STS: variants seen among roughly 807,000 people sequenced by gnomAD.
STS encodes steryl-sulfatase.
STS carries 7 observed loss-of-function variants against 26.8 expected under a neutral mutation model. The ratio of observed to expected loss-of-function variants is 0.26; its 90% confidence interval spans 0.15 to 0.49. STS has a LOEUF of 0.49. STS is among the 20% of genes least tolerant of loss of function. The probability of loss-of-function intolerance (pLI) is 0.98; values close to 1 mark genes in which losing one functional copy is unlikely to be tolerated. For missense variants in STS, 434 were observed against 465.6 expected (o/e 0.93, Z 0.63); for synonymous variants, 199 against 189.4 (o/e 1.05, Z -0.42).
intron 2 of STS, among the ~76,000 whole-genome samples, chrX:7,238,121 G>GGT (rs55819541): frequency 0.13 from 11,845 of 88,280 alleles, 867 homozygotes; most frequent in African/African-American, 0.22. Flanking sequence ...AGTATTCCAT[G>GGT]GTGTGTGTGT....
chrX:7,202,401 A>G (rs1354912671), intron 2 of STS, among the ~76,000 whole-genome samples: 1 of 111,268 alleles, frequency 9.0e-6, no homozygotes, highest in African/African-American at 3.3e-5. Flanking sequence ...CTCTATCAGT[A>G]TTTAAGTATT....
At chrX:7,177,479 A>T (rs192856581) in intron 1 of STS, among the ~76,000 whole-genome samples, 1,068 of 104,111 alleles carry the variant, frequency 0.01, 3 homozygotes, top group African/African-American at 0.031. Flanking sequence ...ATATATATAT[A>T]TTTTTTTTTG....
intron 1 of STS, among the ~76,000 whole-genome samples, chrX:7,190,040 T>C (rs374750282): frequency 5.4e-5 from 6 of 110,933 alleles, no homozygotes; most frequent in African/African-American, 1.6e-4. Flanking sequence ...AGTTTTTGCA[T>C]GGACAGGGAG....
Position 7,325,514 on chromosome X carries a change from G to C in STS, c.1241+16G>C, listed in dbSNP as rs774925391. The C allele has an allele frequency of 7.4e-6, 9 of 1,210,041 alleles. No individual in the cohort carries two copies. In the Middle Eastern group the frequency reaches 8.1e-4, roughly 109 times the overall value. On this transcript the variant is annotated intron_variant, in intron 9 of 10. Transcript: ENST00000674429. The stretch of plus-strand genomic sequence containing the variant: ...CTGAGGACAGGTACTCTGATGCCAG[G>C]GTGGTTGGTATTGTTGAGCTCTGAT...
Position 7,257,494 on chromosome X carries a change from T to C in STS, c.288T>C (p.Val96=), listed in dbSNP as rs146988523. 285 of 1,211,003 alleles carry C rather than the reference T, an allele frequency of 2.4e-4. No individual in the cohort carries two copies. Among genetic ancestry groups the C allele is most frequent in the Non-Finnish European group, 9.8e-5 (88 of 895,353 alleles). Residue 96 remains valine (V), a synonymous_variant, in exon 5 of 11, where the codon GTT becomes GTC. Transcript: ENST00000674429. The stretch of plus-strand genomic sequence containing the variant: ...TGGCATCTTGGTCCCGCACTGGAGT[T>C]TTCCTCTTCACAGCCTCTTCGGGAG... ...SGMASWSRTG[V]FLFTASSGGL...
At position 7,323,016 on chromosome X, in the gene STS, C is replaced by T. The variant is rs111673248; in HGVS notation, c.1082-2323C>T. ...CATCCTGGTAATAAAATAATACCAA[C>T]GAAGATAATAGCCATTTTTTGTGCC... On this transcript the variant is annotated intron_variant, in intron 8 of 10. Coordinates refer to ENST00000674429, the MANE Select transcript of STS (RefSeq NM_001320752.2). Among the ~76,000 whole-genome samples the T allele has an allele frequency of 1.3e-4, 15 of 111,789 alleles. No homozygotes were observed. The South Asian group carries it at 1.5e-3, about 11-fold the overall frequency.
At chrX:7,312,912 A>G (rs2147147836) in intron 8 of STS, among the ~76,000 whole-genome samples, 1 of 112,493 alleles carries the variant, frequency 8.9e-6, no homozygotes, top group East Asian at 2.8e-4. Flanking sequence ...CTCCTAAAAT[A>G]TCCCTTAGAT....
chrX:7,259,981 T>C (rs775645173), intron 6 of STS, among the ~76,000 whole-genome samples: 27 of 111,515 alleles, frequency 2.4e-4, no homozygotes, highest in Middle Eastern at 9.3e-3. Context: ...GTTCACGCCA[T>C]TCTCCTGCCT....
At chrX:7,311,711 G>A (rs574365463) in intron 8 of STS, among the ~76,000 whole-genome samples, 20 of 111,559 alleles carry the variant, frequency 1.8e-4, no homozygotes, top group Middle Eastern at 4.7e-3. Flanking sequence ...TTAGCTGGCT[G>A]TTGTGTTGCA....
intron 2 of STS, among the ~76,000 whole-genome samples, chrX:7,226,801 G>A (rs1388323397): frequency 4.5e-5 from 5 of 111,042 alleles, no homozygotes; most frequent in Non-Finnish European, 7.6e-5. Context: ...GGCTGAGGTT[G>A]GGAGGATTGC....
intron 6 of STS, among the ~76,000 whole-genome samples, chrX:7,272,792 A>T (rs1203940573): frequency 9.0e-6 from 1 of 111,573 alleles, no homozygotes; most frequent in Non-Finnish European, 1.9e-5. Context: ...GTGGGAGAAG[A>T]GAGCACATAA....
intron 7 of STS, among the ~76,000 whole-genome samples, chrX:7,304,774 T>C (rs1237033728): frequency 9.0e-6 from 1 of 111,606 alleles, no homozygotes; most frequent in Non-Finnish European, 1.9e-5. Context: ...TTTAGAATAC[T>C]TTCTCAGGTC....
In STS at chrX:7,279,290, A is replaced by ATATAT. The variant is rs1402728154; in HGVS notation, c.943+3203_943+3204insTATAT. Among the ~76,000 whole-genome samples, 50 of 62,336 alleles carry ATATAT rather than the reference A, an allele frequency of 8.0e-4. 1 individual carries two copies. The highest frequency in any genetic ancestry group is 3.4e-3 in the African/African-American group (49 of 14,540). 54.1% of individuals were successfully genotyped at this position (62,336 alleles called of 115,157 possible). Reference sequence around the variant, plus strand: ...CTGTACTCCAGGAAGAAAAAAAAAAAAAATATATATATATATATATATGTG... The same window carrying ATATAT: ...CTGTACTCCAGGAAGAAAAAAAAAAATATATAAATATATATATATATATATATGTG... On this transcript the variant is annotated intron_variant, in intron 7 of 10. Transcript: ENST00000674429.
At chrX:7,229,999 C>T (rs1231573678) in intron 2 of STS, among the ~76,000 whole-genome samples, 1 of 110,882 alleles carries the variant, frequency 9.0e-6, no homozygotes, top group African/African-American at 3.3e-5. Context: ...CGACCTCAGC[C>T]TTCTGAGTAG....
At chrX:7,176,889 C>T (rs1933581713) in intron 1 of STS, among the ~76,000 whole-genome samples, 2 of 111,546 alleles carry the variant, frequency 1.8e-5, no homozygotes, top group Admixed American at 1.9e-4. Context: ...TAGGTGAGCC[C>T]CAGTCTGAAG....
At position 7,349,897 on chromosome X, in the gene STS, T is replaced by C. The variant is rs1352063331; in HGVS notation, c.1373T>C (p.Ile458Thr). The C allele has an allele frequency of 2.5e-6, 3 of 1,211,856 alleles. No individual in the cohort carries two copies. Among genetic ancestry groups the C allele is most frequent in the Non-Finnish European group, 3.4e-6 (3 of 895,465 alleles). The change falls in exon 11 of 11, where the codon ATC (isoleucine) becomes ACC (threonine). Residue 458 changes from isoleucine to threonine, a missense_variant. Physicochemically the swap from Ile to Thr is moderately conservative, Grantham distance 89. Around this residue, in one of 2 missense-constraint regions of STS, gnomAD observed 205 missense variants for 177.3 expected, o/e 1.16. Transcript: ENST00000674429. The part of the protein sequence containing the change: ...VRWHPQNSTS[I>T]WKAFFFTPNF... ...TCCTTTTAAACCACAGGCACATCCA[T>C]CTGGAAGGCCTTTTTCTTCACCCCC...
At chrX:7,255,307 T>G (rs751780161) in intron 3 of STS, among the ~76,000 whole-genome samples, 34 of 112,386 alleles carry the variant, frequency 3.0e-4, no homozygotes, top group Non-Finnish European at 5.4e-4. Context: ...TGCCTACTTT[T>G]GTAAAATGTT....
chrX:7,189,485 G>A (rs1385895464), intron 1 of STS, among the ~76,000 whole-genome samples: 1 of 112,226 alleles, frequency 8.9e-6, no homozygotes, highest in East Asian at 2.8e-4. Flanking sequence ...TTAAGGGAGT[G>A]GAGGCAGCTG....
chrX:7,316,085 T>G (rs1236417037), intron 8 of STS, among the ~76,000 whole-genome samples: 1 of 111,249 alleles, frequency 9.0e-6, no homozygotes, highest in Non-Finnish European at 1.9e-5. Context: ...TCAACCAAGG[T>G]GTGATGTTGG....
Sources: gnomAD v4.1 joint callset for allele counts (sites outside exome capture counted in the v4.1 genomes callset) on GRCh38, gnomAD v4.1.1 for gene constraint, gnomAD v4.1.1 regional missense constraint, MANE v1.5 for transcripts, NCBI Gene and HGNC (gene_info 2026-07-23, HGNC 2026-07-21) for gene names.